LRRC4C: variants seen among roughly 807,000 people sequenced by gnomAD.
LRRC4C encodes leucine-rich repeat-containing protein 4C.
Under a neutral mutation model 33.6 loss-of-function variants are expected in LRRC4C, and 5 were observed. The ratio of observed to expected loss-of-function variants is 0.15; its 90% CI spans 0.08 to 0.31. The LOEUF (loss-of-function observed/expected upper bound fraction) is 0.31, where lower values mean the gene tolerates loss of function less well. Among genes scored for constraint, LRRC4C ranks in the 10% least tolerant of loss-of-function variants. The pLI is 1.00. For synonymous variants in LRRC4C, 329 were observed against 302.0 expected (o/e 1.09, Z -0.93); for missense variants, 560 against 796.7 (o/e 0.70, Z 3.58).
intron 6 of LRRC4C, among the ~76,000 whole-genome samples, chr11:40,117,005 A>G (rs1273772871): frequency 6.6e-6 from 1 of 152,190 alleles, no homozygotes; most frequent in African/African-American, 2.4e-5. Flanking sequence ...AATCCTTCGT[A>G]ATCCTTACAA....
At chr11:40,653,167 C>T (rs147355644) in intron 2 of LRRC4C, among the ~76,000 whole-genome samples, 1 of 152,084 alleles carries the variant, frequency 6.6e-6, no homozygotes, top group Admixed American at 6.5e-5. Context: ...TAGTTGGTAC[C>T]AGGAGTTCGG....
At chr11:41,283,017 A>T (rs1161209354) in intron 1 of LRRC4C, among the ~76,000 whole-genome samples, 3 of 152,208 alleles carry the variant, frequency 2.0e-5, no homozygotes, top group Non-Finnish European at 4.4e-5. Context: ...TAATGTTTTT[A>T]ATTTTTTTCT....
At chr11:40,495,813 G>GTTTTTTTTTTTTTTTTTTTTTT (rs77683172) in intron 3 of LRRC4C, among the ~76,000 whole-genome samples, 3 of 67,014 alleles carry the variant, frequency 4.5e-5, no homozygotes, top group South Asian at 5.9e-4. Flanking sequence ...CAATAAACAT[G>GTTTTTTTTTTTTTTTTTTTTTT]TTTTTTTTTT....
chr11:40,896,034 T>C (rs1402970301), intron 2 of LRRC4C, among the ~76,000 whole-genome samples: 2 of 152,230 alleles, frequency 1.3e-5, no homozygotes, highest in South Asian at 4.1e-4. Flanking sequence ...CAAGGGGTTT[T>C]AGATAAGGCT....
chr11:41,375,827 C>T (rs1019196108), intron 1 of LRRC4C, among the ~76,000 whole-genome samples: 1 of 151,776 alleles, frequency 6.6e-6, no homozygotes, highest in Non-Finnish European at 1.5e-5. Context: ...ACATCCTAGG[C>T]AGAGAATAAT....
At chr11:40,442,366 A>C (rs1256543563) in intron 3 of LRRC4C, among the ~76,000 whole-genome samples, 1 of 152,132 alleles carries the variant, frequency 6.6e-6, no homozygotes, top group Non-Finnish European at 1.5e-5. Flanking sequence ...CTAATTTACA[A>C]AATATTTATG....
In LRRC4C at chr11:41,213,216, A is replaced by T. The variant is rs1946895557; in HGVS notation, c.-496+246215T>A. On this transcript the variant is annotated intron_variant, in intron 1 of 6. Coordinates refer to ENST00000528697, the MANE Select transcript of LRRC4C (RefSeq NM_001258419.2). The stretch of plus-strand genomic sequence containing the variant: ...GAATGTCAATTCCCACATGTTATAA[A>T]CTAAACAGTATAAACATTTCTAATA... 2.6e-5 allele frequency among the ~76,000 whole-genome samples: 4 copies of T among 152,298 alleles called. No homozygotes were observed. The South Asian group carries it at 8.3e-4, about 32-fold the overall frequency.
chr11:40,775,349 G>T (rs1949946263), intron 2 of LRRC4C, among the ~76,000 whole-genome samples: 1 of 151,958 alleles, frequency 6.6e-6, no homozygotes, highest in African/African-American at 2.4e-5. Flanking sequence ...GGCGGAGCTT[G>T]CAGTGAGCCT....
chr11:40,885,007 A>C (rs1281611650), intron 2 of LRRC4C, among the ~76,000 whole-genome samples: 1 of 151,978 alleles, frequency 6.6e-6, no homozygotes, highest in Non-Finnish European at 1.5e-5. Context: ...GGAGTGAGGG[A>C]TGAAAAATTA....
chr11:40,969,462 C>CAAAA (rs35793654), intron 1 of LRRC4C, among the ~76,000 whole-genome samples: 4 of 143,270 alleles, frequency 2.8e-5, no homozygotes, highest in Non-Finnish European at 3.0e-5. Flanking sequence ...TCTTACACTA[C>CAAAA]AAAAAAAAAA....
intron 3 of LRRC4C, among the ~76,000 whole-genome samples, chr11:40,390,119 C>T (rs1422179271): frequency 6.6e-6 from 1 of 152,142 alleles, no homozygotes; most frequent in African/African-American, 2.4e-5. Flanking sequence ...TTATAGCTGA[C>T]ATGTTGAAAA....
At chr11:40,804,434 C>T (rs1365258637) in intron 2 of LRRC4C, among the ~76,000 whole-genome samples, 2 of 152,196 alleles carry the variant, frequency 1.3e-5, no homozygotes, top group Non-Finnish European at 2.9e-5. Flanking sequence ...CTCCTCACTT[C>T]CCTGGGATGT....
intron 3 of LRRC4C, among the ~76,000 whole-genome samples, chr11:40,474,827 GA>G (rs954142468): frequency 6.6e-6 from 1 of 152,036 alleles, no homozygotes; most frequent in Admixed American, 6.6e-5. Flanking sequence ...ACAAACATAT[GA>G]AAAAAAGCTC....
At chr11:41,278,842 T>C (rs1366850159) in intron 1 of LRRC4C, among the ~76,000 whole-genome samples, 2 of 152,216 alleles carry the variant, frequency 1.3e-5, no homozygotes, top group South Asian at 2.1e-4. Flanking sequence ...CCCCCAACTT[T>C]TAAGTTGAGA....
chr11:40,736,230 T>A (rs1947859468), intron 2 of LRRC4C, among the ~76,000 whole-genome samples: 1 of 152,046 alleles, frequency 6.6e-6, no homozygotes, highest in South Asian at 2.1e-4. Flanking sequence ...GTTCTCATTG[T>A]TCACCTCGCA....
intron 1 of LRRC4C, among the ~76,000 whole-genome samples, chr11:40,985,254 G>T (rs1451701602): frequency 1.3e-5 from 2 of 151,932 alleles, no homozygotes; most frequent in African/African-American, 4.8e-5. Flanking sequence ...CAGAAAGAAT[G>T]GCCAGTCATT....
At chr11:40,242,544 G>T (rs932659919) in intron 4 of LRRC4C, among the ~76,000 whole-genome samples, 1 of 152,116 alleles carries the variant, frequency 6.6e-6, no homozygotes, top group Non-Finnish European at 1.5e-5. Flanking sequence ...TAATAACAAG[G>T]CAGTATCCAG....
At chr11:41,150,054 C>T (rs755959038) in intron 1 of LRRC4C, among the ~76,000 whole-genome samples, 1 of 152,076 alleles carries the variant, frequency 6.6e-6, no homozygotes, top group African/African-American at 2.4e-5. Flanking sequence ...TGTATCATTC[C>T]CTTAGATAAA....
chr11:40,575,391 GA>G (rs58076584), intron 3 of LRRC4C, among the ~76,000 whole-genome samples: 21,454 of 143,810 alleles, frequency 0.15, 1,867 homozygotes, highest in Admixed American at 0.23. Context: ...TTAATTTCAT[GA>G]AAAAAAAAAA....
Sources: allele counts gnomAD v4.1 joint callset (sites outside exome capture counted in the v4.1 genomes callset), GRCh38; gene constraint gnomAD v4.1.1; transcripts MANE v1.5; gene names NCBI Gene and HGNC (gene_info 2026-07-23, HGNC 2026-07-21).